SRMS: variants seen among roughly 807,000 people sequenced by gnomAD.
SRMS encodes the protein tyrosine-protein kinase Srms.
In SRMS, 42 loss-of-function variants were observed where a neutral mutation model predicts 43.5. The observed-to-expected ratio is 0.97, with a 90% confidence interval of 0.75 to 1.25. SRMS has a LOEUF of 1.25. SRMS is among the 50% of genes most tolerant of loss of function. SRMS has a pLI of 0.00. For missense variants in SRMS, 703 were observed against 681.0 expected, an observed-to-expected ratio of 1.03 and a Z score of -0.36; for synonymous variants, 316 against 308.2, an observed-to-expected ratio of 1.03 and a Z score of -0.27.
intron 1 of SRMS, among the ~76,000 whole-genome samples, chr20:63,546,637 CCT>C (rs10543603): frequency 6.6e-6 from 1 of 150,778 alleles, no homozygotes; most frequent in Non-Finnish European, 1.5e-5. Context: ...AGCATGGGCC[CCT>C]GTCTCAGCCC....
chr20:63,546,273 A>C (rs914829654), intron 1 of SRMS, among the ~76,000 whole-genome samples: 2 of 150,792 alleles, frequency 1.3e-5, no homozygotes, highest in Non-Finnish European at 3.0e-5. Flanking sequence ...CCTTCCTGTG[A>C]CTCCGGCTTC....
intron 1 of SRMS, among the ~76,000 whole-genome samples, chr20:63,544,828 AG>A (rs756097504): frequency 2.6e-5 from 4 of 152,094 alleles, no homozygotes; most frequent in Non-Finnish European, 5.9e-5. Flanking sequence ...TGGTTAGTGG[AG>A]GGGGCCCATG....
intron 1 of SRMS, among the ~76,000 whole-genome samples, chr20:63,546,905 G>C (rs548949394): frequency 4.5e-4 from 68 of 152,308 alleles, no homozygotes; most frequent in African/African-American, 1.6e-3. Context: ...TCTCCCTCTC[G>C]GCAGCCCACA....
In SRMS at chr20:63,539,262, CT is replaced by C. The variant is rs1204239823; in HGVS notation, c.*1555del. ...TGCTTCCCTCCGCTTGGCCTTGTTC[CT>C]CCGATGCACGGGCCCCAGGAAGCCC... On this transcript the variant is annotated 3_prime_UTR_variant, in exon 8 of 8. Transcript: ENST00000217188. Among the ~76,000 whole-genome samples, 1 of 152,222 alleles carries C rather than the reference CT, an allele frequency of 6.6e-6. No homozygotes were observed. Among genetic ancestry groups the C allele is most frequent in the African/African-American group, 2.4e-5 (1 of 41,456 alleles).
At chr20:63,543,255 C>G in intron 3 of SRMS, 59 bp downstream of exon 3, 1 of 1,587,662 alleles carries the variant, frequency 6.3e-7, no homozygotes, top group Non-Finnish European at 8.6e-7. Context: ...GGGAGGAGCA[C>G]CTAGAACAGG....
Position 63,547,352 on chromosome 20 carries a change from T to A in SRMS, c.112A>T (p.Thr38Ser), listed in dbSNP as rs1414975860. Reference sequence around the variant, plus strand: ...GCGGGGAGCGTGGGCACTGGGTCAGTGTTGGGGTCCAGGGACCCGGGGGTG... The same window carrying A: ...GCGGGGAGCGTGGGCACTGGGTCAGAGTTGGGGTCCAGGGACCCGGGGGTG... ...HGTPGSLDPN[T>S]DPVPTLPAEP... Residue 38 changes from threonine to serine, a missense_variant, in exon 1 of 8, where the codon ACT (threonine) becomes TCT (serine). By Grantham distance (58) the Thr-to-Ser change is moderately conservative. Transcript: ENST00000217188. 3 of 1,587,358 alleles carry A rather than the reference T, an allele frequency of 1.9e-6. No homozygotes were observed. Among genetic ancestry groups the A allele is most frequent in the Middle Eastern group, 1.7e-4 (1 of 5,940 alleles).
intron 3 of SRMS, 82 bp from the exon 4 acceptor site, chr20:63,542,663 T>C (rs1319109905): frequency 2.0e-6 from 3 of 1,464,926 alleles, no homozygotes; most frequent in Non-Finnish European, 2.7e-6. Context: ...ACCAGGCCTC[T>C]GGCGGGCACC....
At position 63,542,052 on chromosome 20, in the gene SRMS, G is replaced by A. The variant is rs1040818803; in HGVS notation, c.946+111C>T. 4.8e-5 allele frequency: 70 copies of A among 1,458,486 alleles called. 1 individual carries two copies. The highest frequency in any genetic ancestry group is 3.5e-4 in the South Asian group (26 of 73,760). 90.3% of individuals were successfully genotyped at this position (1,458,486 alleles called of 1,614,324 possible). A position where few individuals can be genotyped will look rare whatever the true frequency, so the allele number is the denominator to read the frequency against. On this transcript the variant is annotated intron_variant, in intron 5 of 7. Coordinates refer to ENST00000217188, the MANE Select transcript of SRMS (RefSeq NM_080823.4). ...TCTGCAGCCGGGGCCACCTGCTCCC[G>A]GTAGAGAGGCCCGGTTCACCTCGGA... is the stretch of plus-strand genomic sequence containing the variant.
At chr20:63,541,705 C>A in intron 5 of SRMS, 85 bp from the exon 6 acceptor site, 1 of 1,383,318 alleles carries the variant, frequency 7.2e-7, no homozygotes, top group Non-Finnish European at 9.5e-7. Context: ...TTCCCCCATG[C>A]CTCAGCCTCC....
rs762179293 is a variant in SRMS at position 63,541,511 on chromosome 20, G to A, written c.1056C>T (p.Ala352=). The part of the protein sequence containing the change: ...EEQRVVHRDL[A]ARNVLVDDGL... ...CGTCGTCCACGAGCACGTTCCGGGC[G>A]GCCAAGTCCCGGTGCACAACGCGCT... The change falls in exon 6 of 8, where the codon GCC becomes GCT. Residue 352 remains alanine (A), a synonymous_variant. Transcript: ENST00000217188. The A allele has an allele frequency of 2.6e-5, 41 of 1,606,694 alleles. No individual in the cohort carries two copies. Among genetic ancestry groups the A allele is most frequent in the African/African-American group, 1.9e-4 (14 of 74,810 alleles).
At position 63,539,152 on chromosome 20, in the gene SRMS, A is replaced by T. The variant is rs1328878070; in HGVS notation, c.*1666T>A. ...GCCCCTCCCCTAGGTTCTCCCATGC[A>T]GATGGAGCTGGGCAGGTGGCCAGGG... is the stretch of plus-strand genomic sequence containing the variant. On this transcript the variant is annotated 3_prime_UTR_variant, in exon 8 of 8. Transcript: ENST00000217188. Among the ~76,000 whole-genome samples the T allele has an allele frequency of 6.6e-6, 1 of 152,190 alleles. No individual in the cohort carries two copies. Among genetic ancestry groups the T allele is most frequent in the African/African-American group, 2.4e-5 (1 of 41,444 alleles).
Position 63,539,146 on chromosome 20 carries a change from C to T in SRMS, c.*1672G>A, listed in dbSNP as rs2082689050. 6.6e-6 allele frequency among the ~76,000 whole-genome samples: 1 copy of T among 152,184 alleles called. No homozygotes were observed. Among genetic ancestry groups the T allele is most frequent in the Admixed American group, 6.5e-5 (1 of 15,282 alleles). On this transcript the variant is annotated 3_prime_UTR_variant, in exon 8 of 8. Transcript: ENST00000217188. ...GAACCAGCCCCTCCCCTAGGTTCTCCCATGCAGATGGAGCTGGGCAGGTGG... is the reference window on the plus strand; with the variant it reads ...GAACCAGCCCCTCCCCTAGGTTCTCTCATGCAGATGGAGCTGGGCAGGTGG...
intron 7 of SRMS, 37 bp from the exon 8 acceptor site, chr20:63,541,036 C>T (rs1479954781): frequency 5.6e-6 from 9 of 1,606,044 alleles, no homozygotes; most frequent in African/African-American, 1.3e-5. Context: ...TCGATTCTGC[C>T]TGGGGGTCCC....
chr20:63,543,817 C>A, intron 2 of SRMS: 2 of 376,722 alleles, frequency 5.3e-6, no homozygotes, highest in Non-Finnish European at 9.5e-6. Flanking sequence ...AACGAATAAG[C>A]AAATGAGTGA....
intron 2 of SRMS, 130 bp downstream of exon 2, chr20:63,544,097 T>C (rs1490717173): frequency 9.0e-7 from 1 of 1,108,390 alleles, no homozygotes; most frequent in Non-Finnish European, 1.2e-6. Flanking sequence ...GTGACCAGCA[T>C]ATCTGCTGTT....
In SRMS at chr20:63,540,842, G is replaced by A. The variant is rs186038529; in HGVS notation, c.1443C>T (p.His481=). 3.3e-5 allele frequency: 53 copies of A among 1,603,868 alleles called. No individual in the cohort carries two copies. Among genetic ancestry groups the A allele is most frequent in the Admixed American group, 8.3e-5 (5 of 59,886 alleles). The change falls in exon 8 of 8, where the codon CAC becomes CAT. Residue 481 remains histidine (H), a synonymous_variant. Coordinates refer to ENST00000217188, the MANE Select transcript of SRMS (RefSeq NM_080823.4). ...CTCAGGGGTGGCATCTGTGGATGGC[G>A]TGCAGCTTCTCCCGCAGCGTGGCGA... ...PSFATLREKL[H]AIHRCHP
Position 63,539,769 on chromosome 20 carries a change from A to G in SRMS, c.*1049T>C, listed in dbSNP as rs998193718. On this transcript the variant is annotated 3_prime_UTR_variant, in exon 8 of 8. Transcript: ENST00000217188. Reference sequence around the variant, plus strand: ...TGAGCCACTTGCTGCCCAGCATACCATGGCATCTACCTCCGAGCCCCCAAC... The same window carrying G: ...TGAGCCACTTGCTGCCCAGCATACCGTGGCATCTACCTCCGAGCCCCCAAC... Among the ~76,000 whole-genome samples the G allele has an allele frequency of 4.0e-5, 6 of 151,574 alleles. No homozygotes were observed. Among genetic ancestry groups the G allele is most frequent in the Non-Finnish European group, 8.8e-5 (6 of 67,884 alleles).
At chr20:63,545,387 A>G (rs55951066) in intron 1 of SRMS, among the ~76,000 whole-genome samples, 57 of 152,272 alleles carry the variant, frequency 3.7e-4, no homozygotes, top group Non-Finnish European at 5.9e-4. Flanking sequence ...CCCCTGCCCC[A>G]GGGCACACCC....
intron 1 of SRMS, among the ~76,000 whole-genome samples, chr20:63,546,878 C>A (rs912333510): frequency 1.3e-5 from 2 of 152,232 alleles, no homozygotes; most frequent in Non-Finnish European, 2.9e-5. Context: ...GACCTGACCA[C>A]GCCTGCCGGA....
Sources: allele counts gnomAD v4.1 joint callset (sites outside exome capture counted in the v4.1 genomes callset), GRCh38; gene constraint gnomAD v4.1.1; transcripts MANE v1.5; gene names NCBI Gene and HGNC (gene_info 2026-07-23, HGNC 2026-07-21).